The following NAA16 variants were observed in gnomAD, a reference collection of about 807,000 sequenced individuals.
NAA16 encodes the protein NARG1-like protein.
In NAA16, 97 loss-of-function variants were observed where a neutral mutation model predicts 110.3. The ratio of observed to expected loss-of-function variants is 0.88; its 90% CI spans 0.75 to 1.04. NAA16 has a LOEUF of 1.04. NAA16 is among the 50% of genes least tolerant of loss of function. The pLI is 0.00. For missense variants in NAA16, 1,017 were observed against 1,005.1 expected, an observed-to-expected ratio of 1.01 and a Z score of -0.16; for synonymous variants, 372 against 330.6, an observed-to-expected ratio of 1.13 and a Z score of -1.36.
At chr13:41,348,980 T>C (rs1181327264) in intron 9 of NAA16, among the ~76,000 whole-genome samples, 1 of 152,214 alleles carries the variant, frequency 6.6e-6, no homozygotes, top group Non-Finnish European at 1.5e-5. Flanking sequence ...TATCCCCTCT[T>C]ACTGTTTTTG....
chr13:41,348,066 C>T (rs1038718512), intron 9 of NAA16, among the ~76,000 whole-genome samples: 2 of 151,976 alleles, frequency 1.3e-5, no homozygotes, highest in Non-Finnish European at 2.9e-5. Flanking sequence ...TGAGTTCTGT[C>T]ACATGCTTTT....
At chr13:41,369,417 ATTATC>A in intron 15 of NAA16, 134 bp downstream of exon 15, 1 of 930,210 alleles carries the variant, frequency 1.1e-6, no homozygotes, top group Non-Finnish European at 1.5e-6. Context: ...ATAGCCGTCA[ATTATC>A]TTTGAGTGAC....
At position 41,346,941 on chromosome 13, in the gene NAA16, G is replaced by A. The variant is rs375984924; in HGVS notation, c.1015-8203G>A. ...GTTTTGAAATTAGGAAGTGTGAGCC[G>A]GGCGCGGTGGCTCACGCCTGTAATC... On this transcript the variant is annotated intron_variant, in intron 9 of 19. Transcript: ENST00000379406. 1.9e-4 allele frequency among the ~76,000 whole-genome samples: 29 copies of A among 152,116 alleles called. No individual in the cohort carries two copies. In the East Asian group the frequency reaches 3.5e-3, roughly 18 times the overall value.
chr13:41,355,316 T>C (rs1012778711), intron 10 of NAA16, 100 bp downstream of exon 10: 1 of 656,028 alleles, frequency 1.5e-6, no homozygotes, highest in South Asian at 2.3e-5. Context: ...ACCTAATGGC[T>C]ACTTAATAAA....
chr13:41,344,862 T>C (rs2139453647), intron 9 of NAA16, among the ~76,000 whole-genome samples: 1 of 152,378 alleles, frequency 6.6e-6, no homozygotes, highest in Non-Finnish European at 1.5e-5. Context: ...AGAGACTCCA[T>C]ATCCTTTAGC....
rs376083809 is a variant in NAA16, at chr13:41,352,360, A to G, written c.1015-2784A>G. Among the ~76,000 whole-genome samples the G allele has an allele frequency of 1.1e-4, 17 of 151,698 alleles. No individual in the cohort carries two copies. In the South Asian group the frequency reaches 2.1e-3, roughly 19 times the overall value. On this transcript the variant is annotated intron_variant, in intron 9 of 19. Transcript: ENST00000379406. ...CCGTCTCAAAAAATAAAAATAAAGT[A>G]ACTATAAATTTTGGCTTGGCACAGT...
intron 6 of NAA16, 40 bp downstream of exon 6, chr13:41,325,891 A>G: frequency 6.6e-7 from 1 of 1,506,154 alleles, no homozygotes; most frequent in Non-Finnish European, 9.0e-7. Flanking sequence ...TCAAACAGAA[A>G]ACAAAAAAAC....
chr13:41,323,442 C>G (rs926199577), intron 5 of NAA16, among the ~76,000 whole-genome samples: 1 of 151,330 alleles, frequency 6.6e-6, no homozygotes, highest in African/African-American at 2.4e-5. Flanking sequence ...GCTCTGCCTC[C>G]CGGGTTCAAG....
At chr13:41,366,178 CAT>C (rs1417287868) in intron 13 of NAA16, among the ~76,000 whole-genome samples, 15 of 152,104 alleles carry the variant, frequency 9.9e-5, no homozygotes, top group Non-Finnish European at 2.2e-4. Flanking sequence ...GCTTTTTAGT[CAT>C]AAACTAATGT....
chr13:41,347,611 G>C (rs2042720940), intron 9 of NAA16, among the ~76,000 whole-genome samples: 1 of 152,066 alleles, frequency 6.6e-6, no homozygotes, highest in South Asian at 2.1e-4. Context: ...TGGTAGTCTA[G>C]ATGAAATTGT....
intron 7 of NAA16, among the ~76,000 whole-genome samples, chr13:41,329,137 G>T (rs2042169338): frequency 1.3e-5 from 2 of 151,832 alleles, no homozygotes; most frequent in African/African-American, 4.8e-5. Context: ...TTTAGAGTAG[G>T]GACATGGGAA....
At chr13:41,329,427 C>A (rs1188040077) in intron 7 of NAA16, among the ~76,000 whole-genome samples, 1 of 151,222 alleles carries the variant, frequency 6.6e-6, no homozygotes, top group Non-Finnish European at 1.5e-5. Flanking sequence ...TGTTAATATT[C>A]CTAAAATCAT....
At chr13:41,360,008 A>G (rs1320176461) in intron 12 of NAA16, among the ~76,000 whole-genome samples, 4 of 152,168 alleles carry the variant, frequency 2.6e-5, no homozygotes, top group Non-Finnish European at 4.4e-5. Context: ...CCCAGCTACC[A>G]CATAGTAAAT....
intron 9 of NAA16, among the ~76,000 whole-genome samples, chr13:41,351,868 G>A (rs1365411871): frequency 6.6e-6 from 1 of 151,932 alleles, no homozygotes; most frequent in Non-Finnish European, 1.5e-5. Flanking sequence ...AAATAATGGA[G>A]GCAAAACACC....
At chr13:41,331,158 A>G (rs1404780273) in intron 7 of NAA16, 116 bp from the exon 8 acceptor site, 10 of 579,230 alleles carry the variant, frequency 1.7e-5, no homozygotes, top group Non-Finnish European at 2.7e-5. Context: ...AATTGAAAGC[A>G]GCTTTAATAT....
chr13:41,337,872 C>T (rs1263232343), intron 9 of NAA16, among the ~76,000 whole-genome samples: 2 of 152,006 alleles, frequency 1.3e-5, no homozygotes, highest in Non-Finnish European at 2.9e-5. Context: ...TTGGCATTTT[C>T]CTACCTGTGG....
chr13:41,313,506 CAG>C (rs1370833431), intron 1 of NAA16, among the ~76,000 whole-genome samples: 3 of 152,196 alleles, frequency 2.0e-5, no homozygotes, highest in African/African-American at 4.8e-5. Flanking sequence ...CCATAGCAAA[CAG>C]AAGTCTCTGT....
chr13:41,376,121 C>T lies in NAA16; in HGVS notation c.*519C>T, dbSNP rs1283484451. 1 of 152,428 alleles carries T rather than the reference C, an allele frequency of 6.6e-6. No homozygotes were observed. Among genetic ancestry groups the T allele is most frequent in the Admixed American group, 6.5e-5 (1 of 15,284 alleles). 9.4% of individuals were successfully genotyped at this position (152,428 alleles called of 1,614,324 possible). ...CCTGGCCAACATGGTGAAACCCCTT[C>T]TCTACTGAAAATACAAAAATTAGCC... On this transcript the variant is annotated 3_prime_UTR_variant, in exon 20 of 20. Coordinates refer to ENST00000379406, the MANE Select transcript of NAA16 (RefSeq NM_024561.5).
chr13:41,356,158 T>C (rs1264037390), intron 10 of NAA16, among the ~76,000 whole-genome samples: 1 of 151,718 alleles, frequency 6.6e-6, no homozygotes, highest in Admixed American at 6.6e-5. Flanking sequence ...TTTGTGTGCG[T>C]GTGTGTGTGT....
Sources: gnomAD v4.1 joint callset for allele counts (sites outside exome capture counted in the v4.1 genomes callset) on GRCh38, gnomAD v4.1.1 for gene constraint, MANE v1.5 for transcripts, NCBI Gene and HGNC (gene_info 2026-07-23, HGNC 2026-07-21) for gene names.